GRIN2A: variants seen among roughly 807,000 people sequenced by gnomAD.
GRIN2A encodes glutamate receptor ionotropic, NMDA 2A.
GRIN2A carries 22 observed loss-of-function variants against 113.4 expected under a neutral mutation model. That is an observed-to-expected ratio of 0.19 (90% confidence interval 0.14 to 0.28). The LOEUF is 0.28. GRIN2A is among the 10% of genes least tolerant of loss of function. The probability of loss-of-function intolerance (pLI) is 1.00; values close to 1 mark genes in which losing one functional copy is unlikely to be tolerated. For missense variants in GRIN2A, 1,502 were observed against 1,887.0 expected (o/e 0.80, Z 3.78); for synonymous variants, 827 against 738.4 (o/e 1.12, Z -1.94).
intron 2 of GRIN2A, among the ~76,000 whole-genome samples, chr16:10,139,913 C>T (rs538920734): frequency 3.3e-5 from 5 of 152,202 alleles, no homozygotes; most frequent in Admixed American, 6.5e-5. Flanking sequence ...CTGCAACCTC[C>T]GCCTCCCAGG....
At chr16:10,031,289 G>A (rs2046924206) in intron 2 of GRIN2A, 1 of 152,196 alleles carries the variant, frequency 6.6e-6, no homozygotes, top group South Asian at 2.1e-4. Context: ...CCATTGCTGT[G>A]CTGCCCCCTG....
intron 3 of GRIN2A, among the ~76,000 whole-genome samples, chr16:9,899,635 T>C (rs2043879599): frequency 6.6e-6 from 1 of 152,122 alleles, no homozygotes; most frequent in Non-Finnish European, 1.5e-5. Flanking sequence ...ATGTTAGTTG[T>C]CTTGGCTGAG....
intron 2 of GRIN2A, among the ~76,000 whole-genome samples, chr16:9,956,438 G>A (rs1281008326): frequency 2.0e-5 from 3 of 152,098 alleles, no homozygotes; most frequent in African/African-American, 4.8e-5. Context: ...CTCTTCACAG[G>A]AATGACAAAT....
chr16:10,056,299 T>G (rs956005229), intron 2 of GRIN2A, among the ~76,000 whole-genome samples: 11 of 152,146 alleles, frequency 7.2e-5, no homozygotes, highest in Non-Finnish European at 1.5e-5. Context: ...CTTTCCACCC[T>G]TGATCCATTC....
At chr16:10,165,549 T>C (rs2049898420) in intron 2 of GRIN2A, among the ~76,000 whole-genome samples, 1 of 146,862 alleles carries the variant, frequency 6.8e-6, no homozygotes, top group African/African-American at 2.5e-5. Context: ...TACTGACATA[T>C]TTACTGATGA....
chr16:9,876,452 G>A (rs2043368166), intron 4 of GRIN2A, among the ~76,000 whole-genome samples: 1 of 152,036 alleles, frequency 6.6e-6, no homozygotes, highest in Non-Finnish European at 1.5e-5. Context: ...TAAATAGTGT[G>A]GGCTTCCGGA....
rs965478926 is a variant in GRIN2A, at chr16:9,760,940, G to A, written c.*2209C>T. ...TGGAGATTCAGATTTAGGATCAGATGTTGGGGTGACTATTCTGGGCCCTTC... is the reference window on the plus strand; with the variant it reads ...TGGAGATTCAGATTTAGGATCAGATATTGGGGTGACTATTCTGGGCCCTTC... On this transcript the variant is annotated 3_prime_UTR_variant, in exon 13 of 13. Coordinates refer to ENST00000330684, the MANE Select transcript of GRIN2A (RefSeq NM_001134407.3). 4.3e-6 allele frequency: 1 copy of A among 232,410 alleles called. No homozygotes were observed. The highest frequency in any genetic ancestry group is 2.2e-5 in the African/African-American group (1 of 45,290). 14.4% of individuals were successfully genotyped at this position (232,410 alleles called of 1,614,324 possible).
At chr16:10,069,844 T>C (rs200871997) in intron 2 of GRIN2A, among the ~76,000 whole-genome samples, 2 of 152,306 alleles carry the variant, frequency 1.3e-5, no homozygotes, top group East Asian at 1.9e-4. Flanking sequence ...CAGTGAAGGA[T>C]AGATCCCACG....
chr16:9,970,101 T>C (rs1456169839), intron 2 of GRIN2A, among the ~76,000 whole-genome samples: 4 of 152,188 alleles, frequency 2.6e-5, no homozygotes, highest in East Asian at 1.9e-4. Context: ...GCACCAAGCA[T>C]TGGGATCCCT....
chr16:9,760,073 G>A lies in GRIN2A; in HGVS notation c.*3076C>T. 1 of 227,910 alleles carries A rather than the reference G, an allele frequency of 4.4e-6. No individual in the cohort carries two copies. Among genetic ancestry groups the A allele is most frequent in the Non-Finnish European group, 8.7e-6 (1 of 114,726 alleles). The allele number at this position is 227,910 out of a possible 1,614,324, so 14.1% of individuals were successfully genotyped here. On this transcript the variant is annotated 3_prime_UTR_variant, in exon 13 of 13. Transcript: ENST00000330684. ...GAATTAACAAAATATCATTATGGAT[G>A]CCAGCTCTGACTTAAGCCAGCTGAA...
intron 2 of GRIN2A, among the ~76,000 whole-genome samples, chr16:10,156,734 G>C (rs574509163): frequency 1.3e-5 from 2 of 152,174 alleles, no homozygotes; most frequent in Non-Finnish European, 2.9e-5. Context: ...AAGGCAAAGC[G>C]GGACTAACAA....
intron 2 of GRIN2A, chr16:10,171,537 G>A (rs969822203): frequency 9.2e-5 from 14 of 152,166 alleles, no homozygotes; most frequent in Admixed American, 7.9e-4. Context: ...TCCTACAAAG[G>A]CAAAGGAAGC....
chr16:9,917,648 A>T (rs369779320), intron 3 of GRIN2A, among the ~76,000 whole-genome samples: 1 of 152,260 alleles, frequency 6.6e-6, no homozygotes, highest in South Asian at 2.1e-4. Flanking sequence ...GTCAAATAAA[A>T]TATGTTAACA....
intron 2 of GRIN2A, among the ~76,000 whole-genome samples, chr16:9,938,848 A>C (rs1371822075): frequency 3.3e-5 from 5 of 152,136 alleles, no homozygotes; most frequent in Non-Finnish European, 1.5e-5. Context: ...CTTTGAGTCT[A>C]TATGGTTCTA....
At chr16:9,801,501 C>T (rs551661914) in intron 10 of GRIN2A, among the ~76,000 whole-genome samples, 1 of 152,288 alleles carries the variant, frequency 6.6e-6, no homozygotes, top group Non-Finnish European at 1.5e-5. Context: ...TACCTAGCAA[C>T]CACATAAGAG....
intron 2 of GRIN2A, among the ~76,000 whole-genome samples, chr16:10,045,761 C>T (rs1461259014): frequency 6.6e-6 from 1 of 152,216 alleles, no homozygotes; most frequent in Admixed American, 6.5e-5. Flanking sequence ...GGTGCCCCAC[C>T]CAACTTCCAT....
At chr16:9,842,951 A>AAGAAAG (rs2042706031) in intron 5 of GRIN2A, among the ~76,000 whole-genome samples, 3 of 145,234 alleles carry the variant, frequency 2.1e-5, no homozygotes, top group East Asian at 4.0e-4. Context: ...GAAAGAAAGA[A>AAGAAAG]AGAGAGAGAG....
chr16:9,788,477 C>A (rs1902376277), intron 11 of GRIN2A, among the ~76,000 whole-genome samples: 1 of 151,966 alleles, frequency 6.6e-6, no homozygotes, highest in Admixed American at 6.6e-5. Flanking sequence ...AGGCTGGTCT[C>A]AAACTCCTAA....
At chr16:9,822,110 T>G (rs976307707) in intron 10 of GRIN2A, among the ~76,000 whole-genome samples, 154 bp downstream of exon 10, 1 of 152,128 alleles carries the variant, frequency 6.6e-6, no homozygotes, top group African/African-American at 2.4e-5. Context: ...CTCATTAGAT[T>G]AACAAAAACT....
Sources: gnomAD v4.1 joint callset for allele counts (sites outside exome capture counted in the v4.1 genomes callset) on GRCh38, gnomAD v4.1.1 for gene constraint, MANE v1.5 for transcripts, NCBI Gene and HGNC (gene_info 2026-07-23, HGNC 2026-07-21) for gene names.